PDE6C: variants seen among roughly 807,000 people sequenced by gnomAD.
The protein encoded by PDE6C is phosphodiesterase 6C, also known as cone cGMP-specific 3',5'-cyclic phosphodiesterase subunit alpha'.
A neutral mutation model predicts 113.1 loss-of-function variants in PDE6C; 75 were observed. That is an observed-to-expected ratio of 0.66 (90% CI 0.55 to 0.80). PDE6C has a LOEUF of 0.80. Among genes scored for constraint, PDE6C ranks in the 30% least tolerant of loss-of-function variants. The pLI, the probability that PDE6C is intolerant of heterozygous loss-of-function variation, is 0.00. For synonymous variants in PDE6C, 375 were observed against 363.7 expected (o/e 1.03, Z -0.35); for missense variants, 912 against 1,038.6 (o/e 0.88, Z 1.67).
intron 15 of PDE6C, among the ~76,000 whole-genome samples, chr10:93,648,735 G>T (rs1161169740): frequency 6.6e-6 from 1 of 152,156 alleles, no homozygotes; most frequent in Non-Finnish European, 1.5e-5. Flanking sequence ...AAACTTGTTA[G>T]CCAAATTTGC....
rs535862685 is a variant in PDE6C at position 93,613,352 on chromosome 10, G to A, written c.480+147G>A. 1.0e-4 allele frequency: 110 copies of A among 1,100,546 alleles called. No homozygotes were observed. The South Asian group carries it at 1.5e-3, about 15-fold the overall frequency. 68.2% of individuals were successfully genotyped at this position (1,100,546 alleles called of 1,614,324 possible). On this transcript the variant is annotated intron_variant, in intron 1 of 21. Coordinates refer to ENST00000371447, the MANE Select transcript of PDE6C (RefSeq NM_006204.4). ...CAGGGAAGAGGATCACCCAGGCCTA[G>A]TGTTGCCAAATTTAGCAAATGAAAT... is the stretch of plus-strand genomic sequence containing the variant.
intron 8 of PDE6C, among the ~76,000 whole-genome samples, chr10:93,630,674 C>T (rs558281825): frequency 2.7e-4 from 41 of 152,132 alleles, no homozygotes; most frequent in Non-Finnish European, 5.3e-4. Context: ...CTGTCTCTCT[C>T]ACATACAGAG....
At chr10:93,625,252 G>A (rs145086429) in intron 4 of PDE6C, among the ~76,000 whole-genome samples, 1 of 152,292 alleles carries the variant, frequency 6.6e-6, no homozygotes, top group African/African-American at 2.4e-5. Context: ...TAGCTTAATT[G>A]TCTATGAAAG....
At chr10:93,634,963 C>T (rs952347792) in intron 9 of PDE6C, 56 bp downstream of exon 9, 22 of 1,561,206 alleles carry the variant, frequency 1.4e-5, no homozygotes, top group African/African-American at 2.7e-5. Context: ...TAAGAGAGGG[C>T]ACGTAATTAT....
chr10:93,615,162 T>C (rs561644142), intron 1 of PDE6C, among the ~76,000 whole-genome samples: 3 of 152,090 alleles, frequency 2.0e-5, no homozygotes, highest in Non-Finnish European at 4.4e-5. Context: ...CATGGTGGTG[T>C]GTGCCTGGAG....
At chr10:93,640,699 G>A in intron 13 of PDE6C, 142 bp downstream of exon 13, 1 of 747,322 alleles carries the variant, frequency 1.3e-6, no homozygotes, top group Non-Finnish European at 2.4e-6. Flanking sequence ...ATGAGTCCCA[G>A]TATCCTTGAG....
intron 4 of PDE6C, among the ~76,000 whole-genome samples, chr10:93,624,454 T>A (rs929191753): frequency 2.0e-5 from 3 of 152,174 alleles, no homozygotes; most frequent in African/African-American, 7.2e-5. Context: ...GCCAGACTGG[T>A]CTCGAACTCC....
At chr10:93,636,437 A>G (rs1049630394) in intron 10 of PDE6C, among the ~76,000 whole-genome samples, 10 of 139,424 alleles carry the variant, frequency 7.2e-5, no homozygotes, top group Non-Finnish European at 1.4e-4. Flanking sequence ...GGTTTTGGTG[A>G]GCATGTTGGT....
chr10:93,613,770 GA>G (rs1397121190), intron 1 of PDE6C, among the ~76,000 whole-genome samples: 2 of 152,126 alleles, frequency 1.3e-5, no homozygotes, highest in Admixed American at 6.5e-5. Flanking sequence ...TTCAAATTTG[GA>G]ATTCATTACA....
chr10:93,623,067 T>G (rs1296785111), intron 4 of PDE6C, among the ~76,000 whole-genome samples: 2 of 152,202 alleles, frequency 1.3e-5, no homozygotes, highest in Admixed American at 6.5e-5. Context: ...CCAAAGTGAC[T>G]TTACTGTTTT....
chr10:93,612,650 C>T lies in PDE6C; in HGVS notation c.-76C>T, dbSNP rs2058396823. The stretch of plus-strand genomic sequence containing the variant: ...CAGTAATTTCCACCAGGATGAATTT[C>T]CTTCTCATCACTCTGCCTCAGGTAG... On this transcript the variant is annotated 5_prime_UTR_variant, in exon 1 of 22. Coordinates refer to ENST00000371447, the MANE Select transcript of PDE6C (RefSeq NM_006204.4). 1 of 1,600,296 alleles carries T rather than the reference C, an allele frequency of 6.2e-7. No individual in the cohort carries two copies. The highest frequency in any genetic ancestry group is 1.3e-5 in the African/African-American group (1 of 74,690).
chr10:93,641,160 G>A, intron 14 of PDE6C, 131 bp downstream of exon 14: 4 of 654,824 alleles, frequency 6.1e-6, no homozygotes, highest in Non-Finnish European at 1.1e-5. Flanking sequence ...TCCAGGGCTG[G>A]ATTCTATTCC....
chr10:93,634,706 A>T, intron 8 of PDE6C, 52 bp from the exon 9 acceptor site: 1 of 1,590,890 alleles, frequency 6.3e-7, no homozygotes, highest in Non-Finnish European at 8.6e-7. Flanking sequence ...ATTTATGATT[A>T]TTTCAAACTA....
chr10:93,620,591 A>T, intron 1 of PDE6C, 41 bp from the exon 2 acceptor site: 1 of 1,608,662 alleles, frequency 6.2e-7, no homozygotes. Context: ...CCACTCTATG[A>T]TTTTGTGCCA....
chr10:93,645,652 G>A (rs952259284), intron 14 of PDE6C, among the ~76,000 whole-genome samples: 1 of 151,986 alleles, frequency 6.6e-6, no homozygotes, highest in Non-Finnish European at 1.5e-5. Flanking sequence ...TTTGCTATAT[G>A]TTTTATAAGT....
intron 11 of PDE6C, among the ~76,000 whole-genome samples, chr10:93,638,832 A>G (rs972234077): frequency 3.3e-5 from 5 of 152,184 alleles, no homozygotes; most frequent in African/African-American, 1.2e-4. Flanking sequence ...GGGTGTAGCA[A>G]CAGTTCTGTG....
At chr10:93,634,724 A>G (rs972712931) in intron 8 of PDE6C, 34 bp from the exon 9 acceptor site, 2 of 1,611,014 alleles carry the variant, frequency 1.2e-6, no homozygotes, top group Non-Finnish European at 1.7e-6. Context: ...CTAAAAAGGC[A>G]AAAAAATAAC....
chr10:93,634,902 A>G lies in PDE6C; in HGVS notation c.1264A>G (p.Thr422Ala), dbSNP rs144591862. The stretch of plus-strand genomic sequence containing the variant: ...TTTCGATGAGCATGATGAATACATT[A>G]CCGAGGCAAGTGCAATAATAAGATA... ...KPFDEHDEYITETLTQFLGWS... is the reference protein window; with the variant it reads ...KPFDEHDEYIAETLTQFLGWS... The change falls in exon 9 of 22, where the codon ACC (threonine) becomes GCC (alanine). Residue 422 changes from threonine to alanine, a missense_variant. Transcript: ENST00000371447. 1.2e-5 allele frequency: 19 copies of G among 1,614,078 alleles called. No homozygotes were observed. The highest frequency in any genetic ancestry group is 1.4e-5 in the Non-Finnish European group (17 of 1,179,962).
intron 14 of PDE6C, among the ~76,000 whole-genome samples, chr10:93,641,369 G>A (rs1048344731): frequency 3.9e-5 from 6 of 151,998 alleles, no homozygotes; most frequent in African/African-American, 9.7e-5. Context: ...ACAGTGGCTC[G>A]CACCTGAAAT....
Sources: allele counts gnomAD v4.1 joint callset (sites outside exome capture counted in the v4.1 genomes callset), GRCh38; gene constraint gnomAD v4.1.1; transcripts MANE v1.5; gene names NCBI Gene and HGNC (gene_info 2026-07-23, HGNC 2026-07-21).